TDRD9: variants seen among roughly 807,000 people sequenced by gnomAD.
TDRD9 encodes the protein tudor domain containing 9.
A neutral mutation model predicts 172.6 loss-of-function variants in TDRD9; 124 were observed. That is an observed-to-expected ratio of 0.72 (90% confidence interval 0.62 to 0.83). The LOEUF (loss-of-function observed/expected upper bound fraction) is 0.83. Among genes scored for constraint, TDRD9 ranks in the 40% least tolerant of loss-of-function variants. The probability of loss-of-function intolerance (pLI) is 0.00; values close to 1 mark genes in which losing one functional copy is unlikely to be tolerated. For synonymous variants in TDRD9, 619 were observed against 617.1 expected (o/e 1.00, Z -0.05); for missense variants, 1,479 against 1,714.1 (o/e 0.86, Z 2.42).
At chr14:104,005,198 G>T in intron 14 of TDRD9, 76 bp from the exon 15 acceptor site, 1 of 1,497,704 alleles carries the variant, frequency 6.7e-7, no homozygotes, top group East Asian at 2.3e-5. Flanking sequence ...CTTTCCCTCT[G>T]AAGCACTGGT....
At chr14:103,987,317 C>A (rs937293057) in intron 8 of TDRD9, among the ~76,000 whole-genome samples, 11 of 152,102 alleles carry the variant, frequency 7.2e-5, no homozygotes, top group Non-Finnish European at 1.5e-4. Flanking sequence ...CCCCTTATGT[C>A]TTTTCATGGC....
At chr14:103,930,484 C>A (rs1011884366) in intron 1 of TDRD9, among the ~76,000 whole-genome samples, 2 of 152,042 alleles carry the variant, frequency 1.3e-5, no homozygotes, top group African/African-American at 4.8e-5. Flanking sequence ...CTTTATTTTT[C>A]TTTTTTAAAG....
intron 22 of TDRD9, 53 bp downstream of exon 22, chr14:104,016,141 T>TTTGTTCTCTAATTGTTTCTATTC (rs2034785198): frequency 1.6e-6 from 2 of 1,246,470 alleles, no homozygotes; most frequent in Admixed American, 2.2e-5. Flanking sequence ...GCAGAACATT[T>TTTGTTCTCTAATTGTTTCTATTC]TTGTTCTCTA....
intron 23 of TDRD9, among the ~76,000 whole-genome samples, chr14:104,021,537 A>G (rs2034954819): frequency 6.6e-6 from 1 of 152,142 alleles, no homozygotes; most frequent in African/African-American, 2.4e-5. Context: ...TACTAAAAAT[A>G]CAAAAATTAG....
chr14:103,955,667 A>G lies in TDRD9; in HGVS notation c.219A>G (p.Ser73=). Residue 73 remains serine, a synonymous_variant, in exon 2 of 36, where the codon TCA becomes TCG. Coordinates refer to ENST00000409874, the MANE Select transcript of TDRD9 (RefSeq NM_153046.3). ...TAACTTTTACTATTCTTTTCAGGTC[A>G]CTCAGCCAAAGGAGCTCAGAAGTAG... ...PARPAAAFER[S]LSQRSSEVEY... 1.3e-6 allele frequency: 2 copies of G among 1,550,154 alleles called. No individual in the cohort carries two copies. The highest frequency in any genetic ancestry group is 1.7e-6 in the Non-Finnish European group (2 of 1,146,260).
rs1452283523 is a variant in TDRD9, at chr14:104,011,802, C to T, written c.2107-2923C>T. 2.0e-5 allele frequency among the ~76,000 whole-genome samples: 3 copies of T among 152,168 alleles called. No homozygotes were observed. In the East Asian group the frequency reaches 5.8e-4, roughly 29 times the overall value. On this transcript the variant is annotated intron_variant, in intron 20 of 35. Coordinates refer to ENST00000409874, the MANE Select transcript of TDRD9 (RefSeq NM_153046.3). ...TTGTATATTCAGGGAGTCCCCAAGA[C>T]CATCCTCAGGTTCACTGATTGGCTA...
chr14:103,961,076 C>G (rs1343134065), intron 2 of TDRD9, among the ~76,000 whole-genome samples: 1 of 152,180 alleles, frequency 6.6e-6, no homozygotes, highest in African/African-American at 2.4e-5. Flanking sequence ...CCTTCTTTCT[C>G]TCAGTCCAGT....
intron 20 of TDRD9, among the ~76,000 whole-genome samples, chr14:104,012,827 G>A (rs990621413): frequency 2.0e-5 from 3 of 152,134 alleles, no homozygotes; most frequent in African/African-American, 7.2e-5. Context: ...TCAAACTCCT[G>A]TGCTTAAGCA....
At chr14:103,953,562 G>A (rs915618584) in intron 1 of TDRD9, among the ~76,000 whole-genome samples, 7 of 152,164 alleles carry the variant, frequency 4.6e-5, no homozygotes, top group Non-Finnish European at 8.8e-5. Flanking sequence ...AGGCTGAGAC[G>A]TCTCACTATA....
intron 12 of TDRD9, among the ~76,000 whole-genome samples, chr14:103,998,048 T>C (rs1346960929): frequency 6.6e-6 from 1 of 151,960 alleles, no homozygotes; most frequent in Non-Finnish European, 1.5e-5. Context: ...GTGCTTTGCC[T>C]GTGTGAGGGG....
intron 5 of TDRD9, among the ~76,000 whole-genome samples, chr14:103,967,347 CAAAAAAAAAAAAAAAA>C (rs11444885): frequency 2.0e-5 from 1 of 49,732 alleles, no homozygotes; most frequent in Non-Finnish European, 3.3e-5. Context: ...ACTAAAAATA[CAAAAAAAAAAAAAAAA>C]AAAAAAAAAA....
In TDRD9 at chr14:104,025,445, G is replaced by T. The variant is rs961234609; in HGVS notation, c.2719-119G>T. 3 of 731,548 alleles carry T rather than the reference G, an allele frequency of 4.1e-6. No homozygotes were observed. The African/African-American group carries it at 5.3e-5, about 13-fold the overall frequency. The allele number at this position is 731,548 out of a possible 1,614,324, so 45.3% of individuals were successfully genotyped here. On this transcript the variant is annotated intron_variant, in intron 25 of 35. Transcript: ENST00000409874. ...AAACCTGTAAATACTTATGTTCCGAGGATTAACGCTGGTGAGGTGTCGTAC... is the reference window on the plus strand; with the variant it reads ...AAACCTGTAAATACTTATGTTCCGATGATTAACGCTGGTGAGGTGTCGTAC...
chr14:103,981,868 G>A (rs2033485029), intron 7 of TDRD9, among the ~76,000 whole-genome samples: 3 of 152,208 alleles, frequency 2.0e-5, no homozygotes, highest in Non-Finnish European at 4.4e-5. Flanking sequence ...GGGACAGTCT[G>A]TGTTAATTTT....
At chr14:104,047,442 G>A (rs767281673) in intron 34 of TDRD9, among the ~76,000 whole-genome samples, 1 of 151,844 alleles carries the variant, frequency 6.6e-6, no homozygotes, top group Non-Finnish European at 1.5e-5. Flanking sequence ...AATGCTTCTT[G>A]TTTTAAGGCC....
chr14:104,034,933 G>A (rs1469793995), intron 31 of TDRD9, 27 bp from the exon 32 acceptor site: 42 of 1,531,726 alleles, frequency 2.7e-5, no homozygotes, highest in Non-Finnish European at 3.5e-5. Context: ...GTTAATGCCC[G>A]ATGTTGATTT....
intron 22 of TDRD9, among the ~76,000 whole-genome samples, chr14:104,016,404 C>T (rs2034793807): frequency 1.3e-5 from 2 of 152,164 alleles, no homozygotes; most frequent in African/African-American, 4.8e-5. Flanking sequence ...AGAACATTTT[C>T]TTAATTCACA....
intron 32 of TDRD9, 50 bp downstream of exon 32, chr14:104,035,106 G>T: frequency 7.0e-7 from 1 of 1,422,754 alleles, no homozygotes; most frequent in South Asian, 1.3e-5. Context: ...GAACCTGGGC[G>T]GGAAAAAACG....
chr14:104,032,659 C>T (rs2035321069), intron 30 of TDRD9, among the ~76,000 whole-genome samples: 1 of 152,168 alleles, frequency 6.6e-6, no homozygotes, highest in African/African-American at 2.4e-5. Context: ...AATTGTTATT[C>T]AGCAAAGCTG....
At chr14:103,975,578 T>C in intron 7 of TDRD9, 25 bp downstream of exon 7, 2 of 1,573,650 alleles carry the variant, frequency 1.3e-6, no homozygotes, top group Non-Finnish European at 1.7e-6. Flanking sequence ...GCTGTTTCTT[T>C]TATAGTGAGC....
Sources: gnomAD v4.1 joint callset for allele counts (sites outside exome capture counted in the v4.1 genomes callset) on GRCh38, gnomAD v4.1.1 for gene constraint, MANE v1.5 for transcripts, NCBI Gene and HGNC (gene_info 2026-07-23, HGNC 2026-07-21) for gene names.